Variants in INPP4B observed in about 807,000 individuals in gnomAD.
The protein encoded by INPP4B is inositol polyphosphate 4-phosphatase type II.
In INPP4B, 55 loss-of-function variants were observed where a neutral mutation model predicts 122.5. That is an observed-to-expected ratio of 0.45 (90% CI 0.36 to 0.56). The LOEUF (loss-of-function observed/expected upper bound fraction) is 0.56, where lower values mean the gene tolerates loss of function less well. Ranked by LOEUF, INPP4B falls within the 20% of genes least tolerant of loss-of-function variation. The pLI is 0.00. For synonymous variants in INPP4B, 403 were observed against 388.7 expected, an observed-to-expected ratio of 1.04 and a Z score of -0.43; for missense variants, 1,000 against 1,097.7, an observed-to-expected ratio of 0.91 and a Z score of 1.26.
chr4:142,750,559 A>G (rs1268785005), intron 1 of INPP4B, among the ~76,000 whole-genome samples: 3 of 152,144 alleles, frequency 2.0e-5, no homozygotes, highest in African/African-American at 7.2e-5. Context: ...GTATGTAGAT[A>G]TATAGAAGAG....
intron 23 of INPP4B, among the ~76,000 whole-genome samples, chr4:142,090,652 C>T (rs1779094953): frequency 1.3e-5 from 2 of 151,932 alleles, no homozygotes; most frequent in South Asian, 2.1e-4. Context: ...ATTATTCTAA[C>T]ACAAAATTTA....
intron 1 of INPP4B, among the ~76,000 whole-genome samples, chr4:142,832,462 A>G (rs1782265270): frequency 6.6e-6 from 1 of 152,202 alleles, no homozygotes; most frequent in Admixed American, 6.5e-5. Context: ...TTTAAAGAGG[A>G]GACAAATGGC....
intron 2 of INPP4B, among the ~76,000 whole-genome samples, chr4:142,588,672 C>T (rs1736764454): frequency 6.6e-6 from 1 of 151,004 alleles, no homozygotes; most frequent in African/African-American, 2.4e-5. Flanking sequence ...CTATAAAAAT[C>T]TGATGAAATA....
chr4:142,606,055 A>G (rs974256446), intron 2 of INPP4B, among the ~76,000 whole-genome samples: 1 of 152,030 alleles, frequency 6.6e-6, no homozygotes, highest in Admixed American at 6.6e-5. Context: ...ATAGAATACT[A>G]TTGGGCAATT....
intron 9 of INPP4B, among the ~76,000 whole-genome samples, chr4:142,297,630 G>A (rs1376716093): frequency 2.6e-5 from 4 of 152,192 alleles, no homozygotes; most frequent in Non-Finnish European, 5.9e-5. Context: ...TAGAGACTGA[G>A]CAAACGCTGG....
At chr4:142,657,804 G>T (rs1370829325) in intron 2 of INPP4B, among the ~76,000 whole-genome samples, 1 of 152,090 alleles carries the variant, frequency 6.6e-6, no homozygotes, top group Non-Finnish European at 1.5e-5. Flanking sequence ...ATGGTAATCT[G>T]GAATTCTATT....
At chr4:142,160,238 C>A in intron 17 of INPP4B, 120 bp downstream of exon 17, 1 of 693,474 alleles carries the variant, frequency 1.4e-6, no homozygotes, top group Non-Finnish European at 2.1e-6. Context: ...CCTATTTATC[C>A]ACAATCAGTG....
chr4:142,132,088 C>A (rs539224430), intron 18 of INPP4B, among the ~76,000 whole-genome samples: 1 of 151,832 alleles, frequency 6.6e-6, no homozygotes, highest in Non-Finnish European at 1.5e-5. Flanking sequence ...AGTAATTTTT[C>A]GATGTAATTA....
At chr4:142,610,115 G>A (rs975936443) in intron 2 of INPP4B, among the ~76,000 whole-genome samples, 5 of 152,048 alleles carry the variant, frequency 3.3e-5, no homozygotes, top group Non-Finnish European at 4.4e-5. Context: ...TCAAGGGTGG[G>A]GCCAGGTGGA....
intron 18 of INPP4B, among the ~76,000 whole-genome samples, chr4:142,138,190 G>A (rs1236851721): frequency 6.6e-6 from 1 of 151,776 alleles, no homozygotes; most frequent in Non-Finnish European, 1.5e-5. Context: ...TATACACCAT[G>A]GGATACTATG....
At chr4:142,680,416 A>C (rs755111324) in intron 2 of INPP4B, among the ~76,000 whole-genome samples, 3 of 151,882 alleles carry the variant, frequency 2.0e-5, no homozygotes, top group Non-Finnish European at 4.4e-5. Flanking sequence ...TTTGCTTCCA[A>C]ATCAAAAAGG....
At chr4:142,038,813 G>A (rs749712754) in intron 25 of INPP4B, among the ~76,000 whole-genome samples, 6 of 152,156 alleles carry the variant, frequency 3.9e-5, no homozygotes, top group East Asian at 1.9e-4. Context: ...GGGAGAGATC[G>A]CCTATGTATC....
At chr4:142,442,151 A>G (rs1811876414) in intron 3 of INPP4B, among the ~76,000 whole-genome samples, 2 of 152,160 alleles carry the variant, frequency 1.3e-5, no homozygotes, top group Admixed American at 6.5e-5. Context: ...GCTCACGCCT[A>G]CCTGTAATCC....
intron 2 of INPP4B, among the ~76,000 whole-genome samples, chr4:142,609,986 G>A (rs1027788061): frequency 6.6e-6 from 1 of 152,150 alleles, no homozygotes; most frequent in South Asian, 2.1e-4. Context: ...TCTGGCTACT[G>A]AGCACTTGAA....
At chr4:142,679,939 T>C (rs1758385682) in intron 2 of INPP4B, among the ~76,000 whole-genome samples, 6 of 151,778 alleles carry the variant, frequency 4.0e-5, no homozygotes, top group Admixed American at 2.0e-4. Flanking sequence ...ATCTAGACAT[T>C]AGAGACTTAA....
At chr4:142,549,936 T>G (rs1560787788) in intron 2 of INPP4B, among the ~76,000 whole-genome samples, 2 of 152,160 alleles carry the variant, frequency 1.3e-5, no homozygotes, top group Non-Finnish European at 2.9e-5. Flanking sequence ...AATAAATAGA[T>G]AAGGCAATAG....
At chr4:142,562,856 C>T (rs575880330) in intron 2 of INPP4B, among the ~76,000 whole-genome samples, 285 of 151,174 alleles carry the variant, frequency 1.9e-3, no homozygotes, top group Non-Finnish European at 3.6e-3. Context: ...ATTTTTTTTT[C>T]TAAGGTGGAT....
At chr4:142,687,860 T>C (rs1759596899) in intron 2 of INPP4B, among the ~76,000 whole-genome samples, 1 of 152,112 alleles carries the variant, frequency 6.6e-6, no homozygotes, top group Non-Finnish European at 1.5e-5. Flanking sequence ...AGGATGACAC[T>C]ATCCAATCTC....
chr4:142,726,755 T>A (rs182184055), intron 1 of INPP4B, among the ~76,000 whole-genome samples: 1 of 152,328 alleles, frequency 6.6e-6, no homozygotes, highest in Admixed American at 6.5e-5. Flanking sequence ...GTCATAAGAA[T>A]AGTGATATAA....
Sources: gnomAD v4.1 joint callset for allele counts (sites outside exome capture counted in the v4.1 genomes callset) on GRCh38, gnomAD v4.1.1 for gene constraint, MANE v1.5 for transcripts, NCBI Gene and HGNC (gene_info 2026-07-23, HGNC 2026-07-21) for gene names.